Variants in UBE3A observed in about 807,000 individuals in gnomAD.
UBE3A encodes the protein ubiquitin-protein ligase E3A.
A neutral mutation model predicts 83.4 loss-of-function variants in UBE3A; 6 were observed. The observed-to-expected ratio is 0.07, with a 90% confidence interval of 0.04 to 0.14. The LOEUF (loss-of-function observed/expected upper bound fraction) is 0.14. UBE3A is among the 10% of genes least tolerant of loss of function. UBE3A has a pLI of 1.00. For missense variants in UBE3A, 456 were observed against 1,036.1 expected (o/e 0.44, Z 7.69); for synonymous variants, 337 against 355.4 (o/e 0.95, Z 0.58).
Position 25,356,680 on chromosome 15 carries a change from A to G in UBE3A, c.1959+11T>C, listed in dbSNP as rs771390878. 2 of 1,611,318 alleles carry G rather than the reference A, an allele frequency of 1.2e-6. No individual in the cohort carries two copies. Among genetic ancestry groups the G allele is most frequent in the East Asian group, 4.5e-5 (2 of 44,754 alleles). Reference sequence around the variant, plus strand: ...TAAGAGACTGAATTAAAAAAATGACAAAGAACTTACTGGGTGAGAGTCTCC... The same window carrying G: ...TAAGAGACTGAATTAAAAAAATGACGAAGAACTTACTGGGTGAGAGTCTCC... On this transcript the variant is annotated intron_variant, in intron 8 of 12. Coordinates refer to ENST00000648336, the MANE Select transcript of UBE3A (RefSeq NM_130839.5).
chr15:25,382,715 A>C (rs1032511208), intron 4 of UBE3A, among the ~76,000 whole-genome samples: 1 of 152,194 alleles, frequency 6.6e-6, no homozygotes, highest in Non-Finnish European at 1.5e-5. Flanking sequence ...TCTTAGATTA[A>C]GAAATGAAGA....
chr15:25,422,122 T>A (rs1197080164), intron 1 of UBE3A, among the ~76,000 whole-genome samples: 2 of 152,180 alleles, frequency 1.3e-5, no homozygotes, highest in Non-Finnish European at 2.9e-5. Context: ...AACAAAAATC[T>A]GTGACAAACA....
At chr15:25,389,353 T>C (rs2083802524) in intron 4 of UBE3A, among the ~76,000 whole-genome samples, 4 of 151,260 alleles carry the variant, frequency 2.6e-5, no homozygotes, top group Admixed American at 2.6e-4. Context: ...CTCAAAACTA[T>C]AAAACTCCTA....
chr15:25,349,135 T>A (rs2076139488), intron 11 of UBE3A, among the ~76,000 whole-genome samples: 1 of 152,272 alleles, frequency 6.6e-6, no homozygotes. Context: ...CACAGATTGA[T>A]TTTCAACAAA....
At chr15:25,392,144 A>G (rs1047303900) in intron 4 of UBE3A, among the ~76,000 whole-genome samples, 10 of 152,206 alleles carry the variant, frequency 6.6e-5, no homozygotes, top group Non-Finnish European at 1.3e-4. Context: ...GAGAACACGA[A>G]TAACGTTCCA....
intron 4 of UBE3A, among the ~76,000 whole-genome samples, chr15:25,400,203 T>C (rs983810332): frequency 6.6e-6 from 1 of 152,234 alleles, no homozygotes; most frequent in Admixed American, 6.5e-5. Flanking sequence ...CAATGTTACA[T>C]AGTTTTCAAC....
Position 25,375,492 on chromosome 15 carries a change from T to C in UBE3A, c.334A>G (p.Lys112Glu). The C allele has an allele frequency of 6.2e-7, 1 of 1,614,174 alleles. No homozygotes were observed. The highest frequency in any genetic ancestry group is 8.5e-7 in the Non-Finnish European group (1 of 1,180,024). Reference protein sequence around the residue: ...NNSCSEIKMNKKGARIDFKDV... With the variant: ...NNSCSEIKMNEKGARIDFKDV... The stretch of plus-strand genomic sequence containing the variant: ...TTAAAATCAATTCTAGCGCCTTTCT[T>C]GTTCATTTTTATCTCAGAGCAGGAG... The change falls in exon 5 of 13, where the codon AAG (lysine) becomes GAG (glutamate). Residue 112 changes from lysine (K) to glutamate (E), a missense_variant. Coordinates refer to ENST00000648336, the MANE Select transcript of UBE3A (RefSeq NM_130839.5).
chr15:25,366,404 A>G (rs1218572035), intron 6 of UBE3A, among the ~76,000 whole-genome samples: 1 of 152,172 alleles, frequency 6.6e-6, no homozygotes, highest in Admixed American at 6.6e-5. Context: ...AAATGCTGGA[A>G]GCTGGGTTAG....
chr15:25,361,231 T>C (rs1437298721), intron 6 of UBE3A, among the ~76,000 whole-genome samples: 2 of 151,804 alleles, frequency 1.3e-5, no homozygotes, highest in Admixed American at 6.6e-5. Context: ...GTTCAAGCAA[T>C]TCTCCTGCCT....
intron 6 of UBE3A, among the ~76,000 whole-genome samples, chr15:25,367,291 TTA>T (rs1474510318): frequency 7.3e-6 from 1 of 137,176 alleles, no homozygotes; most frequent in Non-Finnish European, 1.6e-5. Flanking sequence ...TTAAATTAAA[TTA>T]ATTTACATAT....
intron 3 of UBE3A, among the ~76,000 whole-genome samples, chr15:25,408,884 A>G (rs2089330919): frequency 6.6e-6 from 1 of 152,206 alleles, no homozygotes; most frequent in African/African-American, 2.4e-5. Flanking sequence ...ACATACAGAT[A>G]GGTCTTTGAT....
At chr15:25,380,758 C>CA (rs1357582700) in intron 4 of UBE3A, among the ~76,000 whole-genome samples, 3 of 152,020 alleles carry the variant, frequency 2.0e-5, no homozygotes, top group Non-Finnish European at 4.4e-5. Flanking sequence ...TCTTATTACT[C>CA]AAAAAACAAA....
chr15:25,355,549 AT>A (rs2077101465), intron 9 of UBE3A, among the ~76,000 whole-genome samples: 1 of 152,172 alleles, frequency 6.6e-6, no homozygotes, highest in African/African-American at 2.4e-5. Context: ...ATTAAATGTA[AT>A]TTTTATTTGT....
chr15:25,363,929 C>T (rs2078562930), intron 6 of UBE3A, among the ~76,000 whole-genome samples: 1 of 151,970 alleles, frequency 6.6e-6, no homozygotes, highest in Middle Eastern at 3.2e-3. Context: ...CCGTGGCTCA[C>T]ACCTGTAATC....
At chr15:25,423,129 A>C (rs1890323413) in intron 1 of UBE3A, among the ~76,000 whole-genome samples, 1 of 152,128 alleles carries the variant, frequency 6.6e-6, no homozygotes, top group Non-Finnish European at 1.5e-5. Context: ...TATAAAATTA[A>C]AGGTAGGTAG....
chr15:25,415,999 A>G (rs1325644603), intron 1 of UBE3A, among the ~76,000 whole-genome samples: 1 of 152,202 alleles, frequency 6.6e-6, no homozygotes, highest in East Asian at 1.9e-4. Flanking sequence ...CAAAGACTAA[A>G]TATGTAAGAA....
At chr15:25,409,320 A>G in intron 2 of UBE3A, 113 bp from the exon 3 acceptor site, 1 of 438,470 alleles carries the variant, frequency 2.3e-6, no homozygotes, top group Non-Finnish European at 4.1e-6. Flanking sequence ...AATTCATCAG[A>G]AGAGTAATTA....
At chr15:25,429,462 T>C (rs1892411614) in intron 1 of UBE3A, among the ~76,000 whole-genome samples, 1 of 152,212 alleles carries the variant, frequency 6.6e-6, no homozygotes, top group Admixed American at 6.5e-5. Context: ...CATATTAGCA[T>C]ATAATGTCCA....
rs80152524 is a variant in UBE3A at position 25,364,632 on chromosome 15, G to GTT, written c.1609-4107_1609-4106dup. The stretch of plus-strand genomic sequence containing the variant: ...TACAATACACACGTGGATTTTTAGG[G>GTT]TTTTTTTTGTTTGTTTTTTTTTTTT... On this transcript the variant is annotated intron_variant, in intron 6 of 12. Transcript: ENST00000648336. Among the ~76,000 whole-genome samples the GTT allele has an allele frequency of 2.4e-3, 286 of 121,080 alleles. 2 individuals are homozygous for GTT. The highest frequency in any genetic ancestry group is 9.0e-3 in the African/African-American group (250 of 27,924). 79.4% of individuals were successfully genotyped at this position (121,080 alleles called of 152,430 possible). A position where few individuals can be genotyped will look rare whatever the true frequency, so the allele number is the denominator to read the frequency against.
Sources: allele counts gnomAD v4.1 joint callset (sites outside exome capture counted in the v4.1 genomes callset), GRCh38; gene constraint gnomAD v4.1.1; transcripts MANE v1.5; gene names NCBI Gene and HGNC (gene_info 2026-07-23, HGNC 2026-07-21).